The following CNTN4 variants were observed in gnomAD, a reference collection of about 807,000 sequenced individuals.
The protein encoded by CNTN4 is contactin 4.
Under a neutral mutation model 122.5 loss-of-function variants are expected in CNTN4, and 77 were observed. That is an observed-to-expected ratio of 0.63 (90% CI 0.52 to 0.76). CNTN4 has a LOEUF of 0.76. Among genes scored for constraint, CNTN4 ranks in the 30% least tolerant of loss-of-function variants. CNTN4 has a pLI of 0.00. For synonymous variants in CNTN4, 512 were observed against 447.0 expected (o/e 1.15, Z -1.83); for missense variants, 1,256 against 1,259.1 (o/e 1.00, Z 0.04).
chr3:2,439,709 G>T (rs1339831438), intron 3 of CNTN4, among the ~76,000 whole-genome samples: 1 of 152,028 alleles, frequency 6.6e-6, no homozygotes, highest in Non-Finnish European at 1.5e-5. Flanking sequence ...GGCTTGGATA[G>T]CTAAGGGAAA....
intron 3 of CNTN4, among the ~76,000 whole-genome samples, chr3:2,451,448 T>TAA (rs35229464): frequency 6.9e-6 from 1 of 144,356 alleles, no homozygotes; most frequent in Non-Finnish European, 1.5e-5. Context: ...GGGGAGGTCT[T>TAA]AAAAAAAAAA....
intron 6 of CNTN4, among the ~76,000 whole-genome samples, chr3:2,815,312 G>A (rs1028583554): frequency 6.6e-6 from 1 of 152,116 alleles, no homozygotes; most frequent in South Asian, 2.1e-4. Context: ...AACCCACAGA[G>A]TGGAAGAAAC....
intron 3 of CNTN4, among the ~76,000 whole-genome samples, chr3:2,448,406 A>C (rs1333617440): frequency 6.6e-6 from 1 of 152,220 alleles, no homozygotes; most frequent in Non-Finnish European, 1.5e-5. Flanking sequence ...TTGGGACACT[A>C]TTCTCGACTG....
At chr3:2,669,565 T>G (rs2084379993) in intron 4 of CNTN4, among the ~76,000 whole-genome samples, 1 of 152,162 alleles carries the variant, frequency 6.6e-6, no homozygotes, top group South Asian at 2.1e-4. Flanking sequence ...TTGATTTTTT[T>G]GAACGGTTTT....
At chr3:2,369,176 A>AGCCTGGG (rs1559493128) in intron 3 of CNTN4, among the ~76,000 whole-genome samples, 34 of 151,728 alleles carry the variant, frequency 2.2e-4, no homozygotes, top group African/African-American at 8.2e-4. Flanking sequence ...GCTCACCTCA[A>AGCCTGGG]CCTCCCAAAG....
At position 3,039,007 on chromosome 3, in the gene CNTN4, A is replaced by G; in HGVS notation, c.2163+4A>G. ...TGAACTGGTTATAACCTGGGAGGTAAATGAATCACAGAATAAAAGGAACGT... is the reference window on the plus strand; with the variant it reads ...TGAACTGGTTATAACCTGGGAGGTAGATGAATCACAGAATAAAAGGAACGT... On this transcript the variant is annotated splice_donor_region_variant and intron_variant, in intron 19 of 24. Transcript: ENST00000418658. The G allele has an allele frequency of 1.2e-6, 2 of 1,611,070 alleles. No homozygotes were observed. The highest frequency in any genetic ancestry group is 1.7e-6 in the Non-Finnish European group (2 of 1,177,200).
At chr3:2,194,309 A>G (rs2037735341) in intron 2 of CNTN4, among the ~76,000 whole-genome samples, 1 of 151,924 alleles carries the variant, frequency 6.6e-6, no homozygotes, top group African/African-American at 2.4e-5. Context: ...TAAAAAAAAC[A>G]AATTAGCCAG....
chr3:2,637,749 C>T (rs1005853387), intron 4 of CNTN4, among the ~76,000 whole-genome samples: 14 of 152,208 alleles, frequency 9.2e-5, no homozygotes, highest in Non-Finnish European at 2.9e-5. Flanking sequence ...ATTGGGTTAT[C>T]TGCCTAACCT....
intron 13 of CNTN4, among the ~76,000 whole-genome samples, chr3:2,941,797 CA>C (rs1199475941): frequency 6.6e-6 from 1 of 152,114 alleles, no homozygotes; most frequent in African/African-American, 2.4e-5. Flanking sequence ...ACACAACCTA[CA>C]AGGTATGGCA....
chr3:2,400,430 T>TATAC (rs1553640938), intron 3 of CNTN4, among the ~76,000 whole-genome samples: 2,375 of 68,326 alleles, frequency 0.035, 31 homozygotes, highest in Middle Eastern at 0.056. Flanking sequence ...TATATATACA[T>TATAC]ATATATATAT....
chr3:2,829,532 A>C (rs554460393), intron 7 of CNTN4, among the ~76,000 whole-genome samples: 18 of 152,336 alleles, frequency 1.2e-4, no homozygotes, highest in Middle Eastern at 3.4e-3. Context: ...CTTCTCCTCT[A>C]CCAGATATGA....
chr3:2,372,380 A>G (rs533572110), intron 3 of CNTN4, among the ~76,000 whole-genome samples: 2 of 152,378 alleles, frequency 1.3e-5, no homozygotes, highest in East Asian at 3.9e-4. Flanking sequence ...GGGCAATAAA[A>G]TATAAATATG....
chr3:2,335,301 T>TA (rs965478371), intron 2 of CNTN4, among the ~76,000 whole-genome samples: 1 of 106,486 alleles, frequency 9.4e-6, no homozygotes, highest in Non-Finnish European at 2.0e-5. Flanking sequence ...TTTTCATGAT[T>TA]AAAAAAATGA....
At chr3:2,907,275 G>T (rs563687044) in intron 12 of CNTN4, among the ~76,000 whole-genome samples, 1 of 152,144 alleles carries the variant, frequency 6.6e-6, no homozygotes, top group Non-Finnish European at 1.5e-5. Context: ...ATAATCTCTT[G>T]TTAAGATTAT....
chr3:2,147,558 G>A (rs934231271), intron 2 of CNTN4, among the ~76,000 whole-genome samples: 25 of 151,714 alleles, frequency 1.6e-4, no homozygotes, highest in African/African-American at 4.6e-4. Flanking sequence ...CCTCTTTCCC[G>A]TCCTCCACTC....
intron 2 of CNTN4, among the ~76,000 whole-genome samples, chr3:2,236,905 C>A (rs997511399): frequency 2.0e-5 from 3 of 152,000 alleles, no homozygotes; most frequent in Non-Finnish European, 4.4e-5. Context: ...TAAGAGAGAT[C>A]GTGCCAGAAG....
chr3:2,484,741 A>T (rs997604974), intron 3 of CNTN4, among the ~76,000 whole-genome samples: 3 of 152,196 alleles, frequency 2.0e-5, no homozygotes, highest in Admixed American at 6.5e-5. Context: ...TTGAGAGGTG[A>T]CAGCGTGCTG....
At chr3:2,950,124 C>T (rs2094723029) in intron 13 of CNTN4, among the ~76,000 whole-genome samples, 1 of 152,234 alleles carries the variant, frequency 6.6e-6, no homozygotes, top group Admixed American at 6.5e-5. Context: ...AACATGTGGA[C>T]TTGCAGAGAC....
At chr3:2,653,218 C>G (rs1275767796) in intron 4 of CNTN4, among the ~76,000 whole-genome samples, 1 of 152,054 alleles carries the variant, frequency 6.6e-6, no homozygotes, top group Non-Finnish European at 1.5e-5. Context: ...AAAGCAAGGA[C>G]TTTTTTTATT....
Sources: gnomAD v4.1 joint callset for allele counts (sites outside exome capture counted in the v4.1 genomes callset) on GRCh38, gnomAD v4.1.1 for gene constraint, MANE v1.5 for transcripts, NCBI Gene and HGNC (gene_info 2026-07-23, HGNC 2026-07-21) for gene names.